Variants in VPS53 observed in about 807,000 individuals in gnomAD.
The protein encoded by VPS53 is VPS53 subunit of GARP complex, also known as vacuolar protein sorting-associated protein 53 homolog.
A neutral mutation model predicts 107.0 loss-of-function variants in VPS53; 70 were observed. The observed-to-expected ratio is 0.65, with a 90% CI of 0.54 to 0.80. The LOEUF (loss-of-function observed/expected upper bound fraction) is 0.80, where lower values mean the gene tolerates loss of function less well. VPS53 is among the 30% of genes least tolerant of loss of function. The probability of loss-of-function intolerance (pLI) is 0.00; values close to 1 mark genes in which losing one functional copy is unlikely to be tolerated. For synonymous variants in VPS53, 409 were observed against 393.3 expected, an observed-to-expected ratio of 1.04 and a Z score of -0.47; for missense variants, 917 against 1,049.4, an observed-to-expected ratio of 0.87 and a Z score of 1.74.
At position 714,815 on chromosome 17, in the gene VPS53, G is replaced by A. The variant is rs1461380238; in HGVS notation, c.-106C>T. ...CTCCCTCGCGGCAGCGACCTGGTGA[G>A]CCCGGCTCCGTCAGCCGCTCTGTCA... On this transcript the variant is annotated 5_prime_UTR_variant, in exon 1 of 22. Coordinates refer to ENST00000437048, the MANE Select transcript of VPS53 (RefSeq NM_001128159.3). 8 of 1,277,308 alleles carry A rather than the reference G, an allele frequency of 6.3e-6. No homozygotes were observed. The Admixed American group carries it at 7.1e-5, about 11-fold the overall frequency. The allele number at this position is 1,277,308 out of a possible 1,614,324, so 79.1% of individuals were successfully genotyped here.
chr17:713,762 G>A (rs556668426), intron 1 of VPS53, among the ~76,000 whole-genome samples: 1 of 152,058 alleles, frequency 6.6e-6, no homozygotes, highest in South Asian at 2.1e-4. Flanking sequence ...AGGCAGGGCC[G>A]CGCGTGGTGG....
At chr17:683,275 C>G (rs1379830542) in intron 4 of VPS53, among the ~76,000 whole-genome samples, 3 of 151,928 alleles carry the variant, frequency 2.0e-5, no homozygotes, top group African/African-American at 7.3e-5. Context: ...CATTAAACCA[C>G]TGATCCAAGA....
chr17:547,782 T>A (rs1402921098), intron 17 of VPS53, among the ~76,000 whole-genome samples: 1 of 152,056 alleles, frequency 6.6e-6, no homozygotes, highest in African/African-American at 2.4e-5. Context: ...GGACTATAGG[T>A]GTGTGCCATC....
intron 4 of VPS53, among the ~76,000 whole-genome samples, chr17:693,400 G>C (rs1011631298): frequency 6.6e-6 from 1 of 152,068 alleles, no homozygotes; most frequent in Non-Finnish European, 1.5e-5. Context: ...ATCCACTGGG[G>C]GTCTTGGAAT....
intron 1 of VPS53, 113 bp downstream of exon 1, chr17:714,510 T>A: frequency 9.6e-7 from 1 of 1,038,470 alleles, no homozygotes; most frequent in Non-Finnish European, 1.4e-6. Flanking sequence ...CCACTTTCCC[T>A]TCTGCCGCGA....
chr17:714,686 C>T lies in VPS53; in HGVS notation c.24G>A (p.Glu8=). ...GCACGGCTTCCAGCTCCTCCACGAA[C>T]TCCAGTTCCTCCTCCTCCATCATTC... The part of the protein sequence containing the change: MMEEEEL[E]FVEELEAVLQ... Residue 8 remains glutamate, a synonymous_variant, in exon 1 of 22, where the codon GAG becomes GAA. Transcript: ENST00000437048. 6.2e-7 allele frequency: 1 copy of T among 1,613,370 alleles called. No homozygotes were observed. Among genetic ancestry groups the T allele is most frequent in the South Asian group, 1.1e-5 (1 of 91,060 alleles).
intron 4 of VPS53, among the ~76,000 whole-genome samples, chr17:672,175 A>ATCTC (rs10539620): frequency 0.04 from 4,307 of 107,082 alleles, 157 homozygotes; most frequent in Admixed American, 0.096. Flanking sequence ...CACAATCTCA[A>ATCTC]TCTCTCTCTC....
intron 4 of VPS53, among the ~76,000 whole-genome samples, chr17:679,146 C>G (rs1211657345): frequency 2.0e-5 from 3 of 152,116 alleles, no homozygotes; most frequent in African/African-American, 7.2e-5. Context: ...TGCAAGTCCT[C>G]TGAGAAGGCC....
intron 2 of VPS53, among the ~76,000 whole-genome samples, chr17:708,685 A>G (rs1434684363): frequency 6.6e-6 from 1 of 152,166 alleles, no homozygotes; most frequent in Non-Finnish European, 1.5e-5. Flanking sequence ...AGGCACTGGC[A>G]CTACCGCAAG....
intron 13 of VPS53, among the ~76,000 whole-genome samples, chr17:571,618 A>G (rs976457232): frequency 1.4e-4 from 22 of 151,756 alleles, no homozygotes; most frequent in African/African-American, 5.3e-4. Flanking sequence ...TGCTGCTGCC[A>G]TCTTGGCTCA....
In VPS53 at chr17:640,169, G is replaced by A. The variant is rs562244077; in HGVS notation, c.609-8541C>T. Among the ~76,000 whole-genome samples the A allele has an allele frequency of 9.9e-5, 15 of 152,266 alleles. No individual in the cohort carries two copies. The South Asian group carries it at 2.5e-3, about 25-fold the overall frequency. On this transcript the variant is annotated intron_variant, in intron 7 of 21. Transcript: ENST00000437048. ...TCAGACTGCTGTGCTAGCAATGAGC[G>A]AGTCTCCGTGGGTGTGGGACCCGCC...
intron 7 of VPS53, among the ~76,000 whole-genome samples, chr17:643,052 T>C (rs367625502): frequency 2.1e-5 from 2 of 97,278 alleles, no homozygotes; most frequent in Admixed American, 9.7e-5. Flanking sequence ...TACTTGGAAA[T>C]CAAGGACAAC....
intron 4 of VPS53, among the ~76,000 whole-genome samples, chr17:662,436 TC>T (rs1399798828): frequency 6.6e-6 from 1 of 152,186 alleles, no homozygotes. Flanking sequence ...ACGCCTGTAA[TC>T]CCAGCACTTT....
At chr17:653,682 A>G (rs1198156680) in intron 6 of VPS53, among the ~76,000 whole-genome samples, 2 of 152,226 alleles carry the variant, frequency 1.3e-5, no homozygotes, top group African/African-American at 4.8e-5. Context: ...AGAAGTACAA[A>G]TTATGTGCTA....
intron 4 of VPS53, among the ~76,000 whole-genome samples, chr17:683,007 T>C (rs562966767): frequency 6.6e-6 from 1 of 152,094 alleles, no homozygotes; most frequent in Non-Finnish European, 1.5e-5. Flanking sequence ...AAAAAGGACA[T>C]GGTGTCAGAG....
At chr17:556,139 C>A (rs1158659182) in intron 15 of VPS53, among the ~76,000 whole-genome samples, 1 of 152,086 alleles carries the variant, frequency 6.6e-6, no homozygotes, top group Non-Finnish European at 1.5e-5. Context: ...ACTGGCCAGG[C>A]ATGGTGGCAG....
intron 11 of VPS53, among the ~76,000 whole-genome samples, chr17:603,866 T>C (rs1968436551): frequency 6.6e-6 from 1 of 152,216 alleles, no homozygotes; most frequent in South Asian, 2.1e-4. Flanking sequence ...CCAAGCTTAA[T>C]CTTCAACAAC....
intron 11 of VPS53, 62 bp downstream of exon 11, chr17:623,471 C>T (rs1163539900): frequency 3.2e-6 from 5 of 1,561,580 alleles, no homozygotes; most frequent in Non-Finnish European, 8.7e-7. Context: ...TACAGTGAAA[C>T]CCTGAATCCC....
intron 7 of VPS53, among the ~76,000 whole-genome samples, chr17:639,883 G>T (rs905321848): frequency 6.6e-6 from 1 of 152,220 alleles, no homozygotes; most frequent in East Asian, 1.9e-4. Flanking sequence ...TCCATTCTTA[G>T]ATCTCAAATT....
Sources: gnomAD v4.1 joint callset for allele counts (sites outside exome capture counted in the v4.1 genomes callset) on GRCh38, gnomAD v4.1.1 for gene constraint, MANE v1.5 for transcripts, NCBI Gene and HGNC (gene_info 2026-07-23, HGNC 2026-07-21) for gene names.